The following AKIRIN2 variants were observed in gnomAD, a reference collection of about 807,000 sequenced individuals.
The protein encoded by AKIRIN2 is akirin 2.
Under a neutral mutation model 29.3 loss-of-function variants are expected in AKIRIN2, and 6 were observed. The ratio of observed to expected loss-of-function variants is 0.20; its 90% CI spans 0.11 to 0.40. The LOEUF (loss-of-function observed/expected upper bound fraction) is 0.40. Ranked by LOEUF, AKIRIN2 falls within the 10% of genes least tolerant of loss-of-function variation. The pLI is 1.00. For synonymous variants in AKIRIN2, 128 were observed against 117.5 expected (o/e 1.09, Z -0.58); for missense variants, 210 against 276.1 (o/e 0.76, Z 1.70).
At chr6:87,690,244 C>G (rs1771257672) in intron 1 of AKIRIN2, among the ~76,000 whole-genome samples, 1 of 151,526 alleles carries the variant, frequency 6.6e-6, no homozygotes, top group African/African-American at 2.4e-5. Context: ...AAAACCAACT[C>G]TTAATTGAAC....
chr6:87,676,596 A>AACACACGCACGTGCGCAC (rs1485678233), intron 3 of AKIRIN2, among the ~76,000 whole-genome samples: 3 of 142,046 alleles, frequency 2.1e-5, no homozygotes, highest in African/African-American at 8.1e-5. Flanking sequence ...CTCTACTAAA[A>AACACACGCACGTGCGCAC]ACACACACAC....
At chr6:87,687,791 A>T (rs1487366617) in intron 1 of AKIRIN2, among the ~76,000 whole-genome samples, 1 of 152,194 alleles carries the variant, frequency 6.6e-6, no homozygotes, top group Non-Finnish European at 1.5e-5. Flanking sequence ...ATTGTTATGT[A>T]GCTCTTAACT....
chr6:87,687,273 T>G (rs764224422), intron 1 of AKIRIN2, among the ~76,000 whole-genome samples: 5 of 149,252 alleles, frequency 3.4e-5, no homozygotes, highest in African/African-American at 5.0e-5. Flanking sequence ...CAGGGCGTGG[T>G]GGCTCACACC....
In AKIRIN2 at chr6:87,701,679, C is replaced by A; in HGVS notation, c.6G>T (p.Ala2=). The part of the protein sequence containing the change: M[A]CGATLKRTLD... ...GAGTCCTTTTCAGAGTGGCTCCGCA[C>A]GCCATGGCCGGGGGCAGCTGAGGCG... The change falls in exon 1 of 5, where the codon GCG becomes GCT. Residue 2 remains alanine (A), a synonymous_variant. Coordinates refer to ENST00000257787, the MANE Select transcript of AKIRIN2 (RefSeq NM_018064.4). 1 of 1,450,130 alleles carries A rather than the reference C, an allele frequency of 6.9e-7. No individual in the cohort carries two copies. Among genetic ancestry groups the A allele is most frequent in the Non-Finnish European group, 9.1e-7 (1 of 1,104,486 alleles). 89.8% of individuals were successfully genotyped at this position (1,450,130 alleles called of 1,614,324 possible).
At chr6:87,701,374 G>C in intron 1 of AKIRIN2, 76 bp downstream of exon 1, 1 of 1,434,296 alleles carries the variant, frequency 7.0e-7, no homozygotes. Flanking sequence ...CCCACCCCAG[G>C]GGCCGCATCC....
chr6:87,676,596 AACAC>A (rs112353955), intron 3 of AKIRIN2, among the ~76,000 whole-genome samples: 41,076 of 141,796 alleles, frequency 0.29, 6,125 homozygotes, highest in East Asian at 0.34. Context: ...CTCTACTAAA[AACAC>A]ACACACACAC....
At chr6:87,680,321 A>C in intron 2 of AKIRIN2, among the ~76,000 whole-genome samples, 2 of 119,146 alleles carry the variant, frequency 1.7e-5, no homozygotes, top group Admixed American at 1.1e-4. Context: ...TCATTCTGTC[A>C]CCCAGGTTGG....
intron 1 of AKIRIN2, among the ~76,000 whole-genome samples, chr6:87,691,440 T>TAAAAA (rs34981397): frequency 3.5e-5 from 3 of 84,832 alleles, no homozygotes; most frequent in Non-Finnish European, 4.6e-5. Context: ...AACCTCATCT[T>TAAAAA]AAAAAAAAAA....
intron 1 of AKIRIN2, among the ~76,000 whole-genome samples, chr6:87,687,044 CAA>C (rs10652176): frequency 3.7e-4 from 25 of 67,398 alleles, no homozygotes; most frequent in African/African-American, 3.1e-4. Flanking sequence ...GACTTAGACT[CAA>C]AAAAAAAAAA....
intron 1 of AKIRIN2, among the ~76,000 whole-genome samples, chr6:87,697,684 T>C (rs1771393250): frequency 6.6e-6 from 1 of 152,234 alleles, no homozygotes; most frequent in South Asian, 2.1e-4. Flanking sequence ...TTTGCAGGCA[T>C]GCATCAATGT....
At chr6:87,676,605 A>ACGCGCGCG (rs1238003127) in intron 3 of AKIRIN2, among the ~76,000 whole-genome samples, 42 of 73,962 alleles carry the variant, frequency 5.7e-4, no homozygotes, top group African/African-American at 1.6e-3. Flanking sequence ...AAACACACAC[A>ACGCGCGCG]CACACACACA....
At chr6:87,676,067 G>C in intron 3 of AKIRIN2, 136 bp from the exon 4 acceptor site, 1 of 658,572 alleles carries the variant, frequency 1.5e-6, no homozygotes, top group Non-Finnish European at 2.5e-6. Context: ...TACTAATAGT[G>C]TATCAAATAA....
intron 1 of AKIRIN2, among the ~76,000 whole-genome samples, chr6:87,696,403 TTAA>T (rs1771363787): frequency 6.6e-6 from 1 of 151,502 alleles, no homozygotes; most frequent in African/African-American, 2.4e-5. Context: ...TTTTCCTACC[TTAA>T]TAAAAAAGCC....
At chr6:87,691,760 AAAT>A (rs1771281432) in intron 1 of AKIRIN2, among the ~76,000 whole-genome samples, 1 of 152,224 alleles carries the variant, frequency 6.6e-6, no homozygotes, top group African/African-American at 2.4e-5. Context: ...AAGAAAGGTC[AAAT>A]AAGAGGAGGA....
chr6:87,681,123 C>T (rs866798984), intron 2 of AKIRIN2, among the ~76,000 whole-genome samples: 4 of 152,086 alleles, frequency 2.6e-5, no homozygotes, highest in Admixed American at 1.3e-4. Context: ...CTGCAACCTC[C>T]GCCTCCTGGG....
intron 1 of AKIRIN2, among the ~76,000 whole-genome samples, chr6:87,693,434 A>G (rs1251925142): frequency 6.6e-6 from 1 of 152,106 alleles, no homozygotes; most frequent in African/African-American, 2.4e-5. Flanking sequence ...TTGGTGTTTT[A>G]AAAGTTAAGA....
rs555743157 is a variant in AKIRIN2, at chr6:87,690,402, T to G, written c.236-8639A>C. Among the ~76,000 whole-genome samples the G allele has an allele frequency of 5.3e-5, 8 of 152,312 alleles. 1 individual carries two copies. The South Asian group carries it at 1.5e-3, about 28-fold the overall frequency. ...ACCCTCACCTGAATGGTTTTTGCAG[T>G]TGTCAGTTCATTGCTTCTCAGCCTT... On this transcript the variant is annotated intron_variant, in intron 1 of 4. Coordinates refer to ENST00000257787, the MANE Select transcript of AKIRIN2 (RefSeq NM_018064.4).
At chr6:87,700,103 GT>G (rs1188125202) in intron 1 of AKIRIN2, among the ~76,000 whole-genome samples, 1 of 151,476 alleles carries the variant, frequency 6.6e-6, no homozygotes, top group Non-Finnish European at 1.5e-5. Context: ...TTAAAACACA[GT>G]TTAGTAAGGT....
chr6:87,699,862 T>C (rs929608239), intron 1 of AKIRIN2, among the ~76,000 whole-genome samples: 2 of 152,216 alleles, frequency 1.3e-5, no homozygotes, highest in Admixed American at 1.3e-4. Context: ...CTGTATTAAT[T>C]CACTCCCTCG....
Sources: gnomAD v4.1 joint callset for allele counts (sites outside exome capture counted in the v4.1 genomes callset) on GRCh38, gnomAD v4.1.1 for gene constraint, MANE v1.5 for transcripts, NCBI Gene and HGNC (gene_info 2026-07-23, HGNC 2026-07-21) for gene names.